ANO2: variants seen among roughly 807,000 people sequenced by gnomAD.
ANO2 encodes anoctamin-2.
In ANO2, 101 loss-of-function variants were observed where a neutral mutation model predicts 124.2. The observed-to-expected ratio is 0.81, with a 90% CI of 0.69 to 0.96. The LOEUF (loss-of-function observed/expected upper bound fraction) is 0.96. ANO2 is among the 40% of genes least tolerant of loss of function. The probability of loss-of-function intolerance (pLI) is 0.00; values close to 1 mark genes in which losing one functional copy is unlikely to be tolerated. For synonymous variants in ANO2, 486 were observed against 482.5 expected, an observed-to-expected ratio of 1.01 and a Z score of -0.09; for missense variants, 1,293 against 1,274.5, an observed-to-expected ratio of 1.01 and a Z score of -0.22.
intron 14 of ANO2, among the ~76,000 whole-genome samples, chr12:5,710,077 C>T (rs1418218704): frequency 5.3e-5 from 8 of 152,128 alleles, no homozygotes; most frequent in South Asian, 2.1e-4. Context: ...TAAGAAGTGA[C>T]GAGAACTTAA....
At chr12:5,581,351 G>T (rs1048614874) in intron 20 of ANO2, among the ~76,000 whole-genome samples, 25 of 152,330 alleles carry the variant, frequency 1.6e-4, no homozygotes, top group African/African-American at 5.8e-4. Context: ...GACTGATGGG[G>T]AGGGAGAAGG....
chr12:5,709,476 A>G (rs1591962870), intron 14 of ANO2, among the ~76,000 whole-genome samples: 1 of 152,106 alleles, frequency 6.6e-6, no homozygotes, highest in East Asian at 1.9e-4. Flanking sequence ...AACTCCTTCT[A>G]AGTACTTAAA....
chr12:5,894,797 T>C (rs903363623), intron 3 of ANO2, among the ~76,000 whole-genome samples: 2 of 152,158 alleles, frequency 1.3e-5, no homozygotes, highest in Non-Finnish European at 2.9e-5. Context: ...GACCAGATGG[T>C]TGTAGATGGG....
chr12:5,820,569 G>A (rs1366295140), intron 7 of ANO2, among the ~76,000 whole-genome samples: 1 of 152,220 alleles, frequency 6.6e-6, no homozygotes, highest in African/African-American at 2.4e-5. Flanking sequence ...CTGGTAGGGT[G>A]AGAGCTACTA....
intron 1 of ANO2, among the ~76,000 whole-genome samples, chr12:5,940,425 C>G (rs1240122616): frequency 6.6e-6 from 1 of 152,176 alleles, no homozygotes; most frequent in African/African-American, 2.4e-5. Flanking sequence ...AGAAGCCGTC[C>G]AAGTGGAGGG....
chr12:5,827,894 T>C, intron 6 of ANO2, 74 bp from the exon 7 acceptor site: 2 of 1,527,704 alleles, frequency 1.3e-6, no homozygotes, highest in South Asian at 1.2e-5. Context: ...CCCTCACCAC[T>C]GCCTGGCAGG....
At chr12:5,827,875 C>T in intron 6 of ANO2, 55 bp from the exon 7 acceptor site, 1 of 1,566,248 alleles carries the variant, frequency 6.4e-7, no homozygotes. Flanking sequence ...CGCCCTCCAC[C>T]GTGTGTCACC....
rs1357977507 is a variant in ANO2, at chr12:5,658,484, CATCAAT to C, written c.1546-10689_1546-10684del. 6.6e-6 allele frequency among the ~76,000 whole-genome samples: 1 copy of C among 152,132 alleles called. No homozygotes were observed. The highest frequency in any genetic ancestry group is 1.5e-5 in the Non-Finnish European group (1 of 68,030). On this transcript the variant is annotated intron_variant, in intron 14 of 24. Coordinates refer to ENST00000682330, the MANE Select transcript of ANO2 (RefSeq NM_001364791.2). The surrounding 1 kb of genome is among the most constrained non-coding windows in gnomAD (Gnocchi z 4.3). ...ATCATATCATCACTATCATCATCAT[CATCAAT>C]ATCATCGTATCAAAATCAATATAAT...
At chr12:5,661,716 C>T (rs1379974125) in intron 14 of ANO2, among the ~76,000 whole-genome samples, 1 of 152,162 alleles carries the variant, frequency 6.6e-6, no homozygotes, top group Admixed American at 6.5e-5. Context: ...TTAAAAATAC[C>T]CCGATTCCTG....
At chr12:5,671,430 T>C (rs2080105) in intron 14 of ANO2, among the ~76,000 whole-genome samples, 26,827 of 151,392 alleles carry the variant, frequency 0.18, 2,596 homozygotes, top group Admixed American at 0.26. Flanking sequence ...TCCAAAGGAA[T>C]TGCTCTACAG....
At chr12:5,775,093 A>G (rs1952188696) in intron 10 of ANO2, among the ~76,000 whole-genome samples, 1 of 152,212 alleles carries the variant, frequency 6.6e-6, no homozygotes, top group African/African-American at 2.4e-5. Flanking sequence ...GCCCAAGGTC[A>G]CACATGCAGT....
intron 7 of ANO2, among the ~76,000 whole-genome samples, chr12:5,827,320 G>T (rs534530145): frequency 6.6e-6 from 1 of 151,274 alleles, no homozygotes; most frequent in African/African-American, 2.5e-5. Flanking sequence ...CAGCTATCAC[G>T]TGCTGTGTGG....
intron 1 of ANO2, among the ~76,000 whole-genome samples, chr12:5,938,831 G>C (rs564162163): frequency 1.2e-3 from 176 of 151,006 alleles, no homozygotes; most frequent in African/African-American, 4.1e-3. Flanking sequence ...GTCTCAAAAA[G>C]AAAAAAACAA....
chr12:5,580,542 G>A (rs1013230142), intron 20 of ANO2, among the ~76,000 whole-genome samples: 1 of 152,110 alleles, frequency 6.6e-6, no homozygotes, highest in Non-Finnish European at 1.5e-5. Flanking sequence ...TGAAGGGACC[G>A]GTTTAAATTG....
intron 14 of ANO2, among the ~76,000 whole-genome samples, chr12:5,679,467 A>C (rs1250238679): frequency 2.0e-5 from 3 of 152,368 alleles, no homozygotes; most frequent in African/African-American, 7.2e-5. Context: ...CCCATTAAAA[A>C]GTGGGCAGAG....
upstream of ANO2, among the ~76,000 whole-genome samples, chr12:5,945,455 T>C (rs1943066654): frequency 6.6e-6 from 1 of 151,974 alleles, no homozygotes; most frequent in Non-Finnish European, 1.5e-5. Flanking sequence ...TGGAGCGCGG[T>C]CCCGCGGCCG....
At chr12:5,684,834 A>C (rs1026134277) in intron 14 of ANO2, among the ~76,000 whole-genome samples, 1 of 152,172 alleles carries the variant, frequency 6.6e-6, no homozygotes, top group Admixed American at 6.5e-5. Flanking sequence ...AGCTGGTGCT[A>C]AAACAGTGGT....
At chr12:5,917,220 A>G (rs957054458) in intron 3 of ANO2, among the ~76,000 whole-genome samples, 1 of 152,164 alleles carries the variant, frequency 6.6e-6, no homozygotes, top group African/African-American at 2.4e-5. Flanking sequence ...AGAATGAAGC[A>G]TGGTGGGGAG....
At chr12:5,722,465 C>T (rs1432651027) in intron 14 of ANO2, among the ~76,000 whole-genome samples, 1 of 152,134 alleles carries the variant, frequency 6.6e-6, no homozygotes, top group Non-Finnish European at 1.5e-5. Flanking sequence ...TGAGATCGCG[C>T]CACTGCACTC....
Sources: gnomAD v4.1 joint callset for allele counts (sites outside exome capture counted in the v4.1 genomes callset) on GRCh38, gnomAD v4.1.1 for gene constraint, Gnocchi (gnomAD v3.1) non-coding constraint, MANE v1.5 for transcripts, NCBI Gene and HGNC (gene_info 2026-07-23, HGNC 2026-07-21) for gene names.